CHSY3: variants seen among roughly 807,000 people sequenced by gnomAD.
CHSY3 encodes N-acetylgalactosaminyl-proteoglycan 3-beta-glucuronosyltransferase 3.
CHSY3 carries 35 observed loss-of-function variants against 67.2 expected under a neutral mutation model. That is an observed-to-expected ratio of 0.52 (90% confidence interval 0.40 to 0.69). The LOEUF (loss-of-function observed/expected upper bound fraction) is 0.69, where lower values mean the gene tolerates loss of function less well. CHSY3 is among the 30% of genes least tolerant of loss of function. CHSY3 has a pLI of 0.00. For synonymous variants in CHSY3, 474 were observed against 434.7 expected, an observed-to-expected ratio of 1.09 and a Z score of -1.12; for missense variants, 1,069 against 1,138.5, an observed-to-expected ratio of 0.94 and a Z score of 0.88.
At chr5:129,946,847 C>T (rs1294406563) in intron 2 of CHSY3, among the ~76,000 whole-genome samples, 4 of 152,112 alleles carry the variant, frequency 2.6e-5, no homozygotes, top group Non-Finnish European at 5.9e-5. Flanking sequence ...ACACCCAAGC[C>T]GTTTATATAT....
At chr5:130,088,876 A>G (rs1561531549) in intron 2 of CHSY3, among the ~76,000 whole-genome samples, 1 of 152,144 alleles carries the variant, frequency 6.6e-6, no homozygotes, top group Non-Finnish European at 1.5e-5. Context: ...TACTGGGTAT[A>G]TACCCAAATG....
chr5:129,974,336 T>C (rs1762731820), intron 2 of CHSY3, among the ~76,000 whole-genome samples: 1 of 152,058 alleles, frequency 6.6e-6, no homozygotes, highest in African/African-American at 2.4e-5. Context: ...GGGCTTACCC[T>C]GACTTGGTGA....
In CHSY3 at chr5:130,175,697, T is replaced by C. The variant is rs182246533; in HGVS notation, c.1087-8532T>C. ...AACAGAATAGAGGCCTCAGAAACAA[T>C]GCCACACATCTACAACCATCTGATC... On this transcript the variant is annotated intron_variant, in intron 2 of 2. Coordinates refer to ENST00000305031, the MANE Select transcript of CHSY3 (RefSeq NM_175856.5). 3.3e-5 allele frequency among the ~76,000 whole-genome samples: 5 copies of C among 151,292 alleles called. No homozygotes were observed. The East Asian group carries it at 9.7e-4, about 29-fold the overall frequency.
At chr5:129,966,397 C>G (rs937934968) in intron 2 of CHSY3, among the ~76,000 whole-genome samples, 1 of 151,812 alleles carries the variant, frequency 6.6e-6, no homozygotes, top group Non-Finnish European at 1.5e-5. Context: ...GGCTCTCTAA[C>G]TACTTGCCAG....
At chr5:129,957,238 G>T (rs1411765599) in intron 2 of CHSY3, among the ~76,000 whole-genome samples, 1 of 152,034 alleles carries the variant, frequency 6.6e-6, no homozygotes, top group East Asian at 1.9e-4. Context: ...TTGTGAATGG[G>T]ATTGTGTTCC....
At chr5:130,179,866 A>C (rs1770194189) in intron 2 of CHSY3, among the ~76,000 whole-genome samples, 1 of 152,150 alleles carries the variant, frequency 6.6e-6, no homozygotes, top group African/African-American at 2.4e-5. Context: ...GTTTGCTATA[A>C]TTCTTGGCTT....
intron 2 of CHSY3, among the ~76,000 whole-genome samples, chr5:130,136,730 G>A (rs1768677488): frequency 6.6e-6 from 1 of 152,088 alleles, no homozygotes; most frequent in Non-Finnish European, 1.5e-5. Context: ...TGTAACACTT[G>A]AGCTATAAAA....
intron 2 of CHSY3, among the ~76,000 whole-genome samples, chr5:130,010,164 CA>C (rs1182913080): frequency 6.6e-6 from 1 of 152,064 alleles, no homozygotes; most frequent in Non-Finnish European, 1.5e-5. Flanking sequence ...TTCCATCCAA[CA>C]AAAAGAGAAT....
chr5:129,973,591 A>T (rs1181945348), intron 2 of CHSY3, among the ~76,000 whole-genome samples: 1 of 152,090 alleles, frequency 6.6e-6, no homozygotes, highest in Non-Finnish European at 1.5e-5. Context: ...GTTAAGTATG[A>T]TTTGTTACAA....
Position 129,943,069 on chromosome 5 carries a change from A to C in CHSY3, c.1086+34709A>C, listed in dbSNP as rs566814446. On this transcript the variant is annotated intron_variant, in intron 2 of 2. Transcript: ENST00000305031. ...ATTGAACAGATTCTGCATCGTTTTT[A>C]TGATGCCATTATAACAGTTTTGGCA... Among the ~76,000 whole-genome samples, 24 of 152,292 alleles carry C rather than the reference A, an allele frequency of 1.6e-4. No homozygotes were observed. The South Asian group carries it at 2.3e-3, about 14-fold the overall frequency.
At chr5:130,160,116 G>C (rs898542419) in intron 2 of CHSY3, among the ~76,000 whole-genome samples, 1 of 152,128 alleles carries the variant, frequency 6.6e-6, no homozygotes, top group African/African-American at 2.4e-5. Flanking sequence ...TTGCATTCCA[G>C]TTTGGATCTA....
intron 2 of CHSY3, among the ~76,000 whole-genome samples, chr5:129,930,391 G>A (rs1433734902): frequency 6.7e-6 from 1 of 149,920 alleles, no homozygotes; most frequent in Non-Finnish European, 1.5e-5. Context: ...TTCTTGAAGA[G>A]TGTAGCTATG....
chr5:130,088,815 G>A lies in CHSY3; in HGVS notation c.1087-95414G>A, dbSNP rs919398153. ...CAACCATTATGGAAGTCAGTGTGGC[G>A]ATTCCTCAGGGATCTAGAACTAGAA... is the stretch of plus-strand genomic sequence containing the variant. On this transcript the variant is annotated intron_variant, in intron 2 of 2. Coordinates refer to ENST00000305031, the MANE Select transcript of CHSY3 (RefSeq NM_175856.5). Among the ~76,000 whole-genome samples the A allele has an allele frequency of 4.7e-4, 72 of 152,166 alleles. 1 individual carries two copies. Among genetic ancestry groups the A allele is most frequent in the African/African-American group, 1.6e-3 (68 of 41,522 alleles).
At chr5:130,000,088 A>G (rs1270397013) in intron 2 of CHSY3, among the ~76,000 whole-genome samples, 10 of 152,224 alleles carry the variant, frequency 6.6e-5, no homozygotes, top group Non-Finnish European at 1.5e-4. Flanking sequence ...TATGAGGAGT[A>G]TTACCATATT....
At chr5:129,916,027 A>C (rs1760719628) in intron 2 of CHSY3, among the ~76,000 whole-genome samples, 1 of 152,216 alleles carries the variant, frequency 6.6e-6, no homozygotes, top group Admixed American at 6.5e-5. Flanking sequence ...ACAACTGAAA[A>C]GGGCAATTCT....
chr5:129,930,504 C>CT (rs1330391941), intron 2 of CHSY3, among the ~76,000 whole-genome samples: 3 of 89,450 alleles, frequency 3.4e-5, no homozygotes, highest in Admixed American at 1.1e-4. Flanking sequence ...GGAGGCATCA[C>CT]TGGCGGGGGG....
At chr5:129,992,483 G>T (rs1763398341) in intron 2 of CHSY3, among the ~76,000 whole-genome samples, 1 of 152,034 alleles carries the variant, frequency 6.6e-6, no homozygotes, top group Admixed American at 6.6e-5. Flanking sequence ...TACCAGATAA[G>T]ACAGAGGACA....
chr5:130,130,635 G>C lies in CHSY3; in HGVS notation c.1087-53594G>C, dbSNP rs138024909. Among the ~76,000 whole-genome samples, 300 of 152,226 alleles carry C rather than the reference G, an allele frequency of 2.0e-3. 2 individuals are homozygous for C. Among genetic ancestry groups the C allele is most frequent in the Middle Eastern group, 6.8e-3 (2 of 294 alleles). ...CAGCATTACTTCCTGCACTTCACTTGATCATAGACATCAGTCTCTTCTCCA... is the reference window on the plus strand; with the variant it reads ...CAGCATTACTTCCTGCACTTCACTTCATCATAGACATCAGTCTCTTCTCCA... On this transcript the variant is annotated intron_variant, in intron 2 of 2. Transcript: ENST00000305031.
chr5:129,919,414 A>G (rs1351100556), intron 2 of CHSY3, among the ~76,000 whole-genome samples: 1 of 152,166 alleles, frequency 6.6e-6, no homozygotes, highest in Non-Finnish European at 1.5e-5. Flanking sequence ...CTTTTCTCAC[A>G]CTGCTGATAG....
Sources: gnomAD v4.1 joint callset for allele counts (sites outside exome capture counted in the v4.1 genomes callset) on GRCh38, gnomAD v4.1.1 for gene constraint, MANE v1.5 for transcripts, NCBI Gene and HGNC (gene_info 2026-07-23, HGNC 2026-07-21) for gene names.